The following ZNF534 variants were observed in gnomAD, a reference collection of about 807,000 sequenced individuals.
The protein encoded by ZNF534 is zinc finger protein 534.
In ZNF534, 19 loss-of-function variants were observed where a neutral mutation model predicts 13.6. The ratio of observed to expected loss-of-function variants is 1.40; its 90% CI spans 0.97 to 2.05. ZNF534 has a LOEUF of 2.05. Among genes scored for constraint, ZNF534 ranks in the 30% most tolerant of loss-of-function variants. ZNF534 has a pLI of 0.00. For missense variants in ZNF534, 782 were observed against 796.3 expected (o/e 0.98, Z 0.22); for synonymous variants, 244 against 273.8 (o/e 0.89, Z 1.07).
In ZNF534 at chr19:52,439,819, A is replaced by T. The variant is rs892893278; in HGVS notation, c.*373A>T. ...CATGGTGGCTCACGCCTTTAATCCC[A>T]GTACTTTGGGAGGCCAAGGTGGCCA... On this transcript the variant is annotated 3_prime_UTR_variant, in exon 5 of 5. Coordinates refer to ENST00000433050, the MANE Select transcript of ZNF534 (RefSeq NM_001143938.3). Among the ~76,000 whole-genome samples, 4 of 152,050 alleles carry T rather than the reference A, an allele frequency of 2.6e-5. No individual in the cohort carries two copies. The highest frequency in any genetic ancestry group is 9.7e-5 in the African/African-American group (4 of 41,396).
In ZNF534 at chr19:52,442,371, C is replaced by A. The variant is rs1258124583; in HGVS notation, c.*2925C>A. On this transcript the variant is annotated 3_prime_UTR_variant, in exon 5 of 5. Coordinates refer to ENST00000433050, the MANE Select transcript of ZNF534 (RefSeq NM_001143938.3). ...GCATTCTGTGCCTTAAGGACATGTT[C>A]ATGCTGCAGATAACTAACCAGAGCC... is the stretch of plus-strand genomic sequence containing the variant. 2.6e-5 allele frequency among the ~76,000 whole-genome samples: 4 copies of A among 152,232 alleles called. No individual in the cohort carries two copies. Among genetic ancestry groups the A allele is most frequent in the Admixed American group, 2.0e-4 (3 of 15,280 alleles).
chr19:52,437,280 C>T (rs1192614819), intron 4 of ZNF534, among the ~76,000 whole-genome samples: 9 of 152,138 alleles, frequency 5.9e-5, no homozygotes. Flanking sequence ...CAGTAAATCA[C>T]CTCACTCCCT....
At chr19:52,444,905 A>C (rs2059188983), downstream of ZNF534, among the ~76,000 whole-genome samples, 1 of 152,164 alleles carries the variant, frequency 6.6e-6, no homozygotes, top group African/African-American at 2.4e-5. Context: ...AGCAGGGCTG[A>C]GAACTTGCCC....
In ZNF534 at chr19:52,439,330, C is replaced by T. The variant is rs1568446467; in HGVS notation, c.1870C>T (p.His624Tyr). 3 of 1,554,208 alleles carry T rather than the reference C, an allele frequency of 1.9e-6. No individual in the cohort carries two copies. The highest frequency in any genetic ancestry group is 2.6e-6 in the Non-Finnish European group (3 of 1,148,360). The change falls in exon 5 of 5, where the codon CAT (histidine) becomes TAT (tyrosine). Residue 624 changes from histidine (H) to tyrosine (Y), a missense_variant. This residue lies in a region of ZNF534 where 60 missense variants were observed against 59.9 expected (regional missense o/e 1.00). Coordinates refer to ENST00000433050, the MANE Select transcript of ZNF534 (RefSeq NM_001143938.3). ...CAGTCGGAATTCACGCCTTGCACAA[C>T]ATAGGAATATTCATACTGGAGTGAA... ...VFSRNSRLAQ[H>Y]RNIHTGVKPY... is the part of the protein sequence containing the mutation.
rs182463730 is a variant in ZNF534, at chr19:52,431,523, C to G, written c.15+34C>G. 8.9e-5 allele frequency: 143 copies of G among 1,613,636 alleles called. 1 individual carries two copies. In the African/African-American group the frequency reaches 1.7e-3, roughly 19 times the overall value. On this transcript the variant is annotated intron_variant, in intron 2 of 4. Coordinates refer to ENST00000433050, the MANE Select transcript of ZNF534 (RefSeq NM_001143938.3). ...ATGTTCTCAGTGGATTGTTCTGTCTCTGTTTCTTCCTGAAATGCCAGGCAT... is the reference window on the plus strand; with the variant it reads ...ATGTTCTCAGTGGATTGTTCTGTCTGTGTTTCTTCCTGAAATGCCAGGCAT...
chr19:52,434,534 C>T (rs114846202), intron 3 of ZNF534, among the ~76,000 whole-genome samples: 1,498 of 149,568 alleles, frequency 0.01, 28 homozygotes, highest in African/African-American at 0.035. Context: ...CCCCTTACAC[C>T]AGCCTGACCA....
rs2059111120 is a variant in ZNF534 at position 52,434,036 on chromosome 19, T to C, written c.97T>C (p.Tyr33His). The part of the protein sequence containing the change: ...KCLDPGQKAL[Y>H]RDVMLENYRN... ...CCTGGACCCTGGGCAGAAAGCTTTA[T>C]ACAGGGACGTGATGTTAGAGAACTA... The change falls in exon 3 of 5, where the codon TAC (tyrosine) becomes CAC (histidine). Residue 33 changes from tyrosine (Y) to histidine (H), a missense_variant. Physicochemically the swap from Tyr to His is moderately conservative, Grantham distance 83 (BLOSUM62 2). This residue lies in a region of ZNF534 where 81 missense variants were observed against 63.5 expected (regional missense o/e 1.28). Transcript: ENST00000433050. 1 of 1,614,184 alleles carries C rather than the reference T, an allele frequency of 6.2e-7. No individual in the cohort carries two copies. Among genetic ancestry groups the C allele is most frequent in the Admixed American group, 1.7e-5 (1 of 60,016 alleles).
chr19:52,450,494 ATTCTG>A (rs1417468035), intron 4 of ZNF534, among the ~76,000 whole-genome samples: 1 of 151,796 alleles, frequency 6.6e-6, no homozygotes, highest in Non-Finnish European at 1.5e-5. Flanking sequence ...TTTGTTCTCT[ATTCTG>A]TTCTGTTGCT....
At position 52,433,962 on chromosome 19, in the gene ZNF534, T is replaced by A; in HGVS notation, c.23T>A (p.Leu8Ter). ...ATGTGGATTTCCTTTTAGGGGCAAT[T>A]GTCATTCAGCGATGTGGCCATAGAA... MALTQGQLSFSDVAIEFS... is the reference protein window; with the variant it reads MALTQGQ The change falls in exon 3 of 5, where the codon TTG becomes TAG. Residue 8 changes from leucine (L) to a stop codon, truncating the protein, a stop_gained. Transcript: ENST00000433050. LOFTEE classifies it high-confidence loss of function. 1 of 1,613,946 alleles carries A rather than the reference T, an allele frequency of 6.2e-7. No homozygotes were observed. Among genetic ancestry groups the A allele is most frequent in the Non-Finnish European group, 8.5e-7 (1 of 1,179,902 alleles).
chr19:52,450,909 T>G (rs1250899340), intron 4 of ZNF534, among the ~76,000 whole-genome samples: 1 of 151,892 alleles, frequency 6.6e-6, no homozygotes, highest in African/African-American at 2.4e-5. Context: ...TGGTCTCAAA[T>G]TCCTGAGCTC....
intron 3 of ZNF534, among the ~76,000 whole-genome samples, chr19:52,434,773 T>C (rs1312947496): frequency 1.3e-5 from 2 of 151,888 alleles, no homozygotes; most frequent in Non-Finnish European, 2.9e-5. Context: ...TCTTCAGATA[T>C]TCTGCTTCCT....
downstream of ZNF534, among the ~76,000 whole-genome samples, chr19:52,447,247 A>T (rs1215848441): frequency 2.6e-5 from 4 of 152,230 alleles, no homozygotes; most frequent in East Asian, 7.7e-4. Context: ...AACCCAGATC[A>T]TGTTGATCAG....
Position 52,435,209 on chromosome 19 carries a change from G to A in ZNF534, c.271G>A (p.Glu91Lys). The A allele has an allele frequency of 6.2e-7, 1 of 1,606,416 alleles. No homozygotes were observed. Among genetic ancestry groups the A allele is most frequent in the Non-Finnish European group, 8.5e-7 (1 of 1,176,792 alleles). ...GGAGTGCATCAAAGGTGTGAACACA[G>A]GTGAGAGCTCAGGTGGGCAGAGTGG... Reference protein sequence around the residue: ...GRECIKGVNTEKSSKLGSSAG... With the variant: ...GRECIKGVNTKKSSKLGSSAG... The change falls in exon 4 of 5, where the codon GAG becomes AAG. Residue 91 changes from glutamate (E) to lysine (K), a missense_variant and splice_region_variant. This residue lies in a region of ZNF534 where 30 missense variants were observed against 55.4 expected (regional missense o/e 0.54). Transcript: ENST00000433050.
At chr19:52,443,749 C>CA (rs55740619), downstream of ZNF534, among the ~76,000 whole-genome samples, 138,992 of 151,612 alleles carry the variant, frequency 0.92, 64,068 homozygotes, top group Non-Finnish European at 0.97. Context: ...GACTCCATCT[C>CA]AAAAACAAAC....
At chr19:52,431,278 G>A in intron 1 of ZNF534, 130 bp from the exon 2 acceptor site, 3 of 681,902 alleles carry the variant, frequency 4.4e-6, no homozygotes, top group South Asian at 1.9e-5. Context: ...TGATTTTCCT[G>A]TGGGAGATCA....
At chr19:52,436,264 A>G (rs2059128358) in intron 4 of ZNF534, among the ~76,000 whole-genome samples, 1 of 152,110 alleles carries the variant, frequency 6.6e-6, no homozygotes, top group Admixed American at 6.6e-5. Flanking sequence ...CACTTTCAGT[A>G]TCACTTCACT....
At chr19:52,436,833 C>T (rs934145767) in intron 4 of ZNF534, among the ~76,000 whole-genome samples, 32 of 152,176 alleles carry the variant, frequency 2.1e-4, no homozygotes, top group Non-Finnish European at 3.8e-4. Flanking sequence ...ATTCTTTTCA[C>T]ATACTGTTTT....
Position 52,437,947 on chromosome 19 carries a change from T to C in ZNF534, c.487T>C (p.Tyr163His). The C allele has an allele frequency of 6.2e-7, 1 of 1,613,522 alleles. No homozygotes were observed. Among genetic ancestry groups the C allele is most frequent in the South Asian group, 1.1e-5 (1 of 90,956 alleles). Residue 163 changes from tyrosine to histidine, a missense_variant, in exon 5 of 5, where the codon TAC becomes CAC. Transcript: ENST00000433050. ...TGTCAAAACCCATATTTTTAATAAC[T>C]ACAGAAATGATTTTCTTTTTTCTAC... is the stretch of plus-strand genomic sequence containing the variant. ...FSVKTHIFNN[Y>H]RNDFLFSTLL... is the part of the protein sequence containing the mutation.
At position 52,440,727 on chromosome 19, in the gene ZNF534, G is replaced by A. The variant is rs1417338042; in HGVS notation, c.*1281G>A. ...ACCCAGGAGATGGAGGTTGCAGTGA[G>A]CCAAGAATGCGCTACTACACTCCAG... On this transcript the variant is annotated 3_prime_UTR_variant, in exon 5 of 5. Transcript: ENST00000433050. Among the ~76,000 whole-genome samples, 1 of 150,658 alleles carries A rather than the reference G, an allele frequency of 6.6e-6. No homozygotes were observed. Among genetic ancestry groups the A allele is most frequent in the Non-Finnish European group, 1.5e-5 (1 of 67,940 alleles).
Sources: gnomAD v4.1 joint callset for allele counts (sites outside exome capture counted in the v4.1 genomes callset) on GRCh38, gnomAD v4.1.1 for gene constraint, gnomAD v4.1.1 regional missense constraint, MANE v1.5 for transcripts, NCBI Gene and HGNC (gene_info 2026-07-23, HGNC 2026-07-21) for gene names.